IL20RB: variants seen among roughly 807,000 people sequenced by gnomAD.
IL20RB encodes the protein interleukin-20 receptor subunit beta.
A neutral mutation model predicts 33.3 loss-of-function variants in IL20RB; 21 were observed. The observed-to-expected ratio is 0.63, with a 90% CI of 0.45 to 0.91. The LOEUF is 0.91. IL20RB is among the 40% of genes least tolerant of loss of function. The probability of loss-of-function intolerance (pLI) is 0.00; values close to 1 mark genes in which losing one functional copy is unlikely to be tolerated. For missense variants in IL20RB, 345 were observed against 384.8 expected, an observed-to-expected ratio of 0.90 and a Z score of 0.86; for synonymous variants, 147 against 146.8, an observed-to-expected ratio of 1.00 and a Z score of -0.01.
At chr3:136,964,438 T>C (rs888732420) in intron 1 of IL20RB, among the ~76,000 whole-genome samples, 1 of 91,896 alleles carries the variant, frequency 1.1e-5, no homozygotes, top group African/African-American at 4.6e-5. Context: ...ATTTCTCTGA[T>C]GGCCAGTGAT....
intron 6 of IL20RB, among the ~76,000 whole-genome samples, chr3:137,009,141 G>A (rs995958550): frequency 6.6e-6 from 1 of 152,206 alleles, no homozygotes; most frequent in Non-Finnish European, 1.5e-5. Flanking sequence ...CAAGGATGAA[G>A]GGAGACTGGC....
chr3:136,977,376 G>T (rs964104557), intron 1 of IL20RB, among the ~76,000 whole-genome samples: 2 of 152,126 alleles, frequency 1.3e-5, no homozygotes, highest in African/African-American at 4.8e-5. Flanking sequence ...TCTAATGCAT[G>T]AACACAGTAT....
chr3:136,967,171 C>G lies in IL20RB; in HGVS notation c.88+8970C>G, dbSNP rs1941374237. Among the ~76,000 whole-genome samples the G allele has an allele frequency of 2.0e-5, 3 of 150,764 alleles. No individual in the cohort carries two copies. In the South Asian group the frequency reaches 6.4e-4, roughly 32 times the overall value. On this transcript the variant is annotated intron_variant, in intron 1 of 6. Coordinates refer to ENST00000329582, the MANE Select transcript of IL20RB (RefSeq NM_144717.4). ...TGTGGTGCTGAAAAAAATGTATATT[C>G]TGTTGATTTGGGGTGGAGAGTTCTG...
At chr3:136,999,244 G>A (rs1348673312) in intron 6 of IL20RB, among the ~76,000 whole-genome samples, 1 of 152,034 alleles carries the variant, frequency 6.6e-6, no homozygotes, top group Non-Finnish European at 1.5e-5. Flanking sequence ...CTACAAGCAT[G>A]TGACAGAGCA....
intron 1 of IL20RB, among the ~76,000 whole-genome samples, chr3:136,960,771 AT>A (rs1560063151): frequency 2.0e-5 from 3 of 152,204 alleles, no homozygotes; most frequent in Admixed American, 6.5e-5. Context: ...TGTGCCCTTT[AT>A]ATATCTCTGC....
At chr3:136,982,122 G>A (rs1941789086) in intron 2 of IL20RB, 38 bp from the exon 3 acceptor site, 1 of 1,438,608 alleles carries the variant, frequency 7.0e-7, no homozygotes, top group Admixed American at 2.2e-5. Flanking sequence ...CTGTGTCAGA[G>A]GGGCTGGTGT....
intron 1 of IL20RB, among the ~76,000 whole-genome samples, chr3:136,970,618 CCTTCCTTCCTTCCTTCCTTCCTT>C (rs1941452076): frequency 2.5e-5 from 1 of 40,804 alleles, no homozygotes; most frequent in East Asian, 2.2e-3. Context: ...TAGTTTCCTT[CCTTCCTTCCTTCCTTCCTTCCTT>C]CCTTCCTTCC....
chr3:137,010,261 C>G lies in IL20RB; in HGVS notation c.*38C>G, dbSNP rs1288245610. On this transcript the variant is annotated 3_prime_UTR_variant, in exon 7 of 7. Transcript: ENST00000329582. ...GCCCAGGTGAAGCCGAGAACCTGGTCTGCATGACATGGAAACCATGAGGGG... is the reference window on the plus strand; with the variant it reads ...GCCCAGGTGAAGCCGAGAACCTGGTGTGCATGACATGGAAACCATGAGGGG... 8.5e-6 allele frequency: 8 copies of G among 943,728 alleles called. No individual in the cohort carries two copies. The highest frequency in any genetic ancestry group is 1.7e-5 in the Admixed American group (1 of 57,170). 58.5% of individuals were successfully genotyped at this position (943,728 alleles called of 1,614,324 possible).
At chr3:136,970,687 C>T (rs557182838) in intron 1 of IL20RB, among the ~76,000 whole-genome samples, 10 of 149,796 alleles carry the variant, frequency 6.7e-5, no homozygotes, top group Non-Finnish European at 1.0e-4. Flanking sequence ...GAGTCTCGCT[C>T]TGTCATCCAG....
intron 6 of IL20RB, among the ~76,000 whole-genome samples, chr3:136,999,614 T>C (rs1179295313): frequency 6.6e-6 from 1 of 151,754 alleles, no homozygotes; most frequent in African/African-American, 2.4e-5. Flanking sequence ...ATCTTATTTA[T>C]ATTAGACCTT....
In IL20RB at chr3:136,980,472, T is replaced by C. The variant is rs774220928; in HGVS notation, c.95T>C (p.Val32Ala). 9 of 1,614,182 alleles carry C rather than the reference T, an allele frequency of 5.6e-6. No individual in the cohort carries two copies. The highest frequency in any genetic ancestry group is 7.6e-6 in the Non-Finnish European group (9 of 1,180,032). Residue 32 changes from valine to alanine, a missense_variant, in exon 2 of 7, where the codon GTG (valine) becomes GCG (alanine). Physicochemically the swap from Val to Ala is moderately conservative, Grantham distance 64. Coordinates refer to ENST00000329582, the MANE Select transcript of IL20RB (RefSeq NM_144717.4). ...ALIPCLLTDE[V>A]AILPAPQNLS... The stretch of plus-strand genomic sequence containing the variant: ...CTATCTGCCTTGATCCTAGATGAAG[T>C]GGCCATTCTGCCTGCCCCTCAGAAC...
At chr3:136,978,790 TA>T (rs1289104971) in intron 1 of IL20RB, among the ~76,000 whole-genome samples, 2 of 152,226 alleles carry the variant, frequency 1.3e-5, no homozygotes, top group Non-Finnish European at 2.9e-5. Flanking sequence ...CCTCATAAAG[TA>T]AGCTGGAAAC....
At chr3:136,988,640 G>A (rs1249796951) in intron 3 of IL20RB, among the ~76,000 whole-genome samples, 1 of 152,088 alleles carries the variant, frequency 6.6e-6, no homozygotes, top group Non-Finnish European at 1.5e-5. Context: ...CTACTTGGGA[G>A]GCTAAGGTGG....
intron 1 of IL20RB, among the ~76,000 whole-genome samples, chr3:136,978,169 T>G (rs568137979): frequency 4.0e-5 from 6 of 149,670 alleles, no homozygotes; most frequent in Admixed American, 3.3e-4. Context: ...CTGTCTTGTT[T>G]TTTTTTTTTT....
Position 136,992,227 on chromosome 3 carries a change from C to T in IL20RB, c.682+139C>T, listed in dbSNP as rs544267531. On this transcript the variant is annotated intron_variant, in intron 5 of 6. Coordinates refer to ENST00000329582, the MANE Select transcript of IL20RB (RefSeq NM_144717.4). ...CTCCCTCATGGACTGGGTGGGTTCC[C>T]ATAGTGAAATTATGTTTGTGAATCT... 4.8e-5 allele frequency: 42 copies of T among 875,914 alleles called. No homozygotes were observed. The South Asian group carries it at 7.5e-4, about 16-fold the overall frequency. The allele number at this position is 875,914 out of a possible 1,614,324, so 54.3% of individuals were successfully genotyped here.
At position 136,976,405 on chromosome 3, in the gene IL20RB, G is replaced by A. The variant is rs1430516975; in HGVS notation, c.89-4061G>A. Among the ~76,000 whole-genome samples the A allele has an allele frequency of 4.6e-5, 7 of 152,170 alleles. No individual in the cohort carries two copies. In the East Asian group the frequency reaches 1.2e-3, roughly 25 times the overall value. ...GGCTGACCTCTGTGGCTACAGCCTG[G>A]GCCAGTAGGTGGGGAATATGCACCT... On this transcript the variant is annotated intron_variant, in intron 1 of 6. Transcript: ENST00000329582.
intron 4 of IL20RB, among the ~76,000 whole-genome samples, 191 bp downstream of exon 4, chr3:136,989,756 C>A (rs983310396): frequency 6.6e-5 from 10 of 152,184 alleles, no homozygotes; most frequent in Non-Finnish European, 1.3e-4. Context: ...TTGGTCCATT[C>A]AATCATGCCT....
intron 6 of IL20RB, among the ~76,000 whole-genome samples, chr3:137,001,571 C>G (rs1489425716): frequency 6.6e-6 from 1 of 152,208 alleles, no homozygotes; most frequent in South Asian, 2.1e-4. Flanking sequence ...GTCAACTCAT[C>G]TTTCCAACTA....
At chr3:137,008,363 C>T (rs940102749) in intron 6 of IL20RB, among the ~76,000 whole-genome samples, 2 of 152,212 alleles carry the variant, frequency 1.3e-5, no homozygotes, top group African/African-American at 4.8e-5. Context: ...AAATATGTTT[C>T]ATCTTCTCAG....
Sources: gnomAD v4.1 joint callset for allele counts (sites outside exome capture counted in the v4.1 genomes callset) on GRCh38, gnomAD v4.1.1 for gene constraint, MANE v1.5 for transcripts, NCBI Gene and HGNC (gene_info 2026-07-23, HGNC 2026-07-21) for gene names.